MAP3K5: variants seen among roughly 807,000 people sequenced by gnomAD.
MAP3K5 encodes the protein mitogen-activated protein kinase kinase kinase 5.
In MAP3K5, 56 loss-of-function variants were observed where a neutral mutation model predicts 158.7. The ratio of observed to expected loss-of-function variants is 0.35; its 90% CI spans 0.28 to 0.44. MAP3K5 has a LOEUF of 0.44. Among genes scored for constraint, MAP3K5 ranks in the 20% least tolerant of loss-of-function variants. The pLI is 1.00. For synonymous variants in MAP3K5, 579 were observed against 601.7 expected, an observed-to-expected ratio of 0.96 and a Z score of 0.55; for missense variants, 1,294 against 1,674.8, an observed-to-expected ratio of 0.77 and a Z score of 3.97.
At position 136,772,743 on chromosome 6, in the gene MAP3K5, A is replaced by T. The variant is rs1784259117; in HGVS notation, c.448+18967T>A. On this transcript the variant is annotated intron_variant, in intron 1 of 29. Coordinates refer to ENST00000359015, the MANE Select transcript of MAP3K5 (RefSeq NM_005923.4). ...AAAATAAATCTCATTTTTAAAAATG[A>T]ATCATGTTCACTGTTATGCAGCCAG... is the stretch of plus-strand genomic sequence containing the variant. Among the ~76,000 whole-genome samples the T allele has an allele frequency of 2.6e-5, 4 of 152,364 alleles. No individual in the cohort carries two copies. In the South Asian group the frequency reaches 8.3e-4, roughly 32 times the overall value.
chr6:136,583,134 G>A (rs962565133), intron 24 of MAP3K5, among the ~76,000 whole-genome samples: 3 of 152,170 alleles, frequency 2.0e-5, no homozygotes, highest in African/African-American at 7.2e-5. Context: ...AAAATTAACT[G>A]GTTTTATTCA....
intron 24 of MAP3K5, among the ~76,000 whole-genome samples, chr6:136,580,910 G>T (rs1327617927): frequency 6.6e-6 from 1 of 151,978 alleles, no homozygotes; most frequent in East Asian, 1.9e-4. Flanking sequence ...TGCCTCCGGG[G>T]CTCAAGCAAT....
chr6:136,733,187 A>G (rs941089943), intron 1 of MAP3K5, among the ~76,000 whole-genome samples: 5 of 152,168 alleles, frequency 3.3e-5, no homozygotes, highest in African/African-American at 7.2e-5. Flanking sequence ...TTTTGTAGAT[A>G]CAGTGTCTCA....
Position 136,557,500 on chromosome 6 carries a change from A to C in MAP3K5, c.*258T>G. ...TTTCCATAAAAATGCTTAGATTAAA[A>C]TCTTCCTGAACATTAGGGTTCTAAT... On this transcript the variant is annotated 3_prime_UTR_variant, in exon 30 of 30. Transcript: ENST00000359015. The C allele has an allele frequency of 3.0e-6, 1 of 338,594 alleles. No individual in the cohort carries two copies. Among genetic ancestry groups the C allele is most frequent in the Non-Finnish European group, 5.4e-6 (1 of 186,456 alleles). 21.0% of individuals were successfully genotyped at this position (338,594 alleles called of 1,614,324 possible).
intron 1 of MAP3K5, among the ~76,000 whole-genome samples, chr6:136,754,991 C>A (rs1336824218): frequency 6.6e-6 from 1 of 152,158 alleles, no homozygotes; most frequent in Non-Finnish European, 1.5e-5. Flanking sequence ...GAAGTCCCAT[C>A]AATTCTACTT....
At position 136,647,826 on chromosome 6, in the gene MAP3K5, G is replaced by A. The variant is rs897086577; in HGVS notation, c.1788+3158C>T. 58 of 152,376 alleles carry A rather than the reference G, an allele frequency of 3.8e-4. 3 individuals carry two copies. The highest frequency in any genetic ancestry group is 2.9e-5 in the Non-Finnish European group (2 of 68,284). 9.4% of individuals were successfully genotyped at this position (152,376 alleles called of 1,614,324 possible). A position where few individuals can be genotyped will look rare whatever the true frequency, so the allele number is the denominator to read the frequency against. On this transcript the variant is annotated intron_variant, in intron 11 of 29. Transcript: ENST00000359015. ...CCTCCTTTAGCAAGCCTTCTCGAAGGACTCCATGCCTCACTGATCTTCCTC... is the reference window on the plus strand; with the variant it reads ...CCTCCTTTAGCAAGCCTTCTCGAAGAACTCCATGCCTCACTGATCTTCCTC...
chr6:136,595,671 C>G (rs1397346589), intron 21 of MAP3K5, among the ~76,000 whole-genome samples: 1 of 152,112 alleles, frequency 6.6e-6, no homozygotes, highest in Non-Finnish European at 1.5e-5. Context: ...AAGGAAAGTT[C>G]TTTTTAGTGG....
chr6:136,697,045 C>T (rs1780630422), intron 5 of MAP3K5, among the ~76,000 whole-genome samples, 174 bp downstream of exon 5: 1 of 152,218 alleles, frequency 6.6e-6, no homozygotes, highest in Non-Finnish European at 1.5e-5. Flanking sequence ...GGTTAACTCA[C>T]ATGAGTCTTT....
chr6:136,772,816 C>T (rs996378426), intron 1 of MAP3K5, among the ~76,000 whole-genome samples: 5 of 152,170 alleles, frequency 3.3e-5, no homozygotes, highest in African/African-American at 1.2e-4. Context: ...ACAAGAAAGG[C>T]GTTTCAGGTT....
intron 25 of MAP3K5, among the ~76,000 whole-genome samples, chr6:136,576,810 A>G (rs1439384508): frequency 6.6e-6 from 1 of 152,194 alleles, no homozygotes; most frequent in East Asian, 1.9e-4. Context: ...CAGTGGTCCC[A>G]TAAGATTGTA....
chr6:136,729,696 T>C (rs1782123293), intron 1 of MAP3K5, among the ~76,000 whole-genome samples: 2 of 152,226 alleles, frequency 1.3e-5, no homozygotes, highest in South Asian at 4.1e-4. Context: ...TCCATGAGGT[T>C]TGAGAAGAGG....
chr6:136,785,398 ACCTAT>A (rs1170810650), intron 1 of MAP3K5, among the ~76,000 whole-genome samples: 2 of 152,274 alleles, frequency 1.3e-5, no homozygotes, highest in South Asian at 4.1e-4. Context: ...CCTTCCTGTT[ACCTAT>A]GATTGCTACA....
At chr6:136,755,079 A>G (rs1182902280) in intron 1 of MAP3K5, among the ~76,000 whole-genome samples, 1 of 152,060 alleles carries the variant, frequency 6.6e-6, no homozygotes, top group Non-Finnish European at 1.5e-5. Flanking sequence ...CTCCATTCGC[A>G]ACACAAAATT....
Position 136,753,758 on chromosome 6 carries a change from G to C in MAP3K5, c.449-33169C>G, listed in dbSNP as rs1266266215. Among the ~76,000 whole-genome samples the C allele has an allele frequency of 2.0e-5, 3 of 152,260 alleles. No individual in the cohort carries two copies. In the East Asian group the frequency reaches 5.8e-4, roughly 29 times the overall value. The stretch of plus-strand genomic sequence containing the variant: ...CAGGTAGCTTATCATCATAAATAAT[G>C]CTAAGGCCTGTCTGAAAGCCCCAAA... On this transcript the variant is annotated intron_variant, in intron 1 of 29. Coordinates refer to ENST00000359015, the MANE Select transcript of MAP3K5 (RefSeq NM_005923.4).
intron 7 of MAP3K5, among the ~76,000 whole-genome samples, chr6:136,680,662 G>A (rs1404015905): frequency 2.6e-5 from 4 of 152,182 alleles, no homozygotes; most frequent in African/African-American, 9.7e-5. Flanking sequence ...GACTTTTACA[G>A]TGTACCCATG....
intron 3 of MAP3K5, among the ~76,000 whole-genome samples, chr6:136,703,551 G>A (rs1010181383): frequency 6.6e-6 from 1 of 152,134 alleles, no homozygotes; most frequent in Non-Finnish European, 1.5e-5. Context: ...GGCGTGCAGC[G>A]CATGTCCAAT....
At chr6:136,706,817 CACTGGGT>C (rs1248295892) in intron 2 of MAP3K5, among the ~76,000 whole-genome samples, 1 of 152,156 alleles carries the variant, frequency 6.6e-6, no homozygotes, top group Non-Finnish European at 1.5e-5. Flanking sequence ...GAAAGAATTG[CACTGGGT>C]AGTTCTGAGG....
intron 10 of MAP3K5, among the ~76,000 whole-genome samples, chr6:136,655,680 T>C (rs964274477): frequency 4.0e-5 from 6 of 151,304 alleles, no homozygotes; most frequent in African/African-American, 1.5e-4. Context: ...CATGGCACCA[T>C]CTGAGAAGAG....
At chr6:136,670,297 G>A (rs1391911112) in intron 7 of MAP3K5, among the ~76,000 whole-genome samples, 1 of 151,842 alleles carries the variant, frequency 6.6e-6, no homozygotes, top group Admixed American at 6.6e-5. Context: ...CATTAAACGG[G>A]CAACGATATT....
Sources: allele counts gnomAD v4.1 joint callset (sites outside exome capture counted in the v4.1 genomes callset), GRCh38; gene constraint gnomAD v4.1.1; transcripts MANE v1.5; gene names NCBI Gene and HGNC (gene_info 2026-07-23, HGNC 2026-07-21).